VPS13B: variants seen among roughly 807,000 people sequenced by gnomAD.
The protein encoded by VPS13B is vacuolar protein sorting 13 homolog B.
In VPS13B, 285 loss-of-function variants were observed where a neutral mutation model predicts 426.4. The ratio of observed to expected loss-of-function variants is 0.67; its 90% CI spans 0.61 to 0.74. VPS13B has a LOEUF of 0.74. VPS13B is among the 30% of genes least tolerant of loss of function. The probability of loss-of-function intolerance (pLI) is 0.00; values close to 1 mark genes in which losing one functional copy is unlikely to be tolerated. For missense variants in VPS13B, 4,537 were observed against 4,782.6 expected, an observed-to-expected ratio of 0.95 and a Z score of 1.51; for synonymous variants, 1,676 against 1,676.4, an observed-to-expected ratio of 1.00 and a Z score of 0.01.
chr8:99,219,905 T>C (rs1434942584), intron 17 of VPS13B, among the ~76,000 whole-genome samples: 2 of 152,204 alleles, frequency 1.3e-5, no homozygotes, highest in Non-Finnish European at 2.9e-5. Flanking sequence ...TGTTCTTGAA[T>C]ATGCTGTTTT....
At chr8:99,697,327 C>A in intron 35 of VPS13B, 2 of 566,994 alleles carry the variant, frequency 3.5e-6, no homozygotes, top group Non-Finnish European at 6.3e-6. Flanking sequence ...GGTGTGGAAG[C>A]CACCCCTCGA....
At chr8:99,416,006 T>G (rs1248413247) in intron 21 of VPS13B, among the ~76,000 whole-genome samples, 1 of 152,238 alleles carries the variant, frequency 6.6e-6, no homozygotes, top group Non-Finnish European at 1.5e-5. Flanking sequence ...CTGCTGATGC[T>G]GCGCCCACAG....
intron 17 of VPS13B, among the ~76,000 whole-genome samples, chr8:99,230,142 G>T (rs1193472090): frequency 3.3e-5 from 5 of 152,020 alleles, no homozygotes; most frequent in Non-Finnish European, 5.9e-5. Flanking sequence ...TTAATTTTTA[G>T]TTGGGTATAT....
intron 31 of VPS13B, among the ~76,000 whole-genome samples, chr8:99,561,481 G>T (rs1348479439): frequency 6.6e-6 from 1 of 152,140 alleles, no homozygotes; most frequent in Non-Finnish European, 1.5e-5. Context: ...TCAACTTTAT[G>T]ATGATGCAAA....
chr8:99,722,762 C>T (rs1487101638), intron 39 of VPS13B, among the ~76,000 whole-genome samples: 1 of 152,164 alleles, frequency 6.6e-6, no homozygotes, highest in Non-Finnish European at 1.5e-5. Context: ...CTGCCTCGGC[C>T]TCCCAAAGTG....
Position 99,138,036 on chromosome 8 carries a change from C to T in VPS13B, c.1651+1284C>T, listed in dbSNP as rs554599781. Among the ~76,000 whole-genome samples the T allele has an allele frequency of 4.6e-5, 7 of 152,258 alleles. No individual in the cohort carries two copies. The East Asian group carries it at 1.2e-3, about 25-fold the overall frequency. The stretch of plus-strand genomic sequence containing the variant: ...AGTCATCATGACACACCTTTTCCCT[C>T]GCTCCTAGCCATCTGGTCCACAGAT... On this transcript the variant is annotated intron_variant, in intron 12 of 61. Coordinates refer to ENST00000357162, the MANE Select transcript of VPS13B (RefSeq NM_152564.5).
intron 35 of VPS13B, among the ~76,000 whole-genome samples, chr8:99,677,937 C>T (rs1403243471): frequency 6.6e-6 from 1 of 152,150 alleles, no homozygotes; most frequent in African/African-American, 2.4e-5. Flanking sequence ...TCTCCAGCCC[C>T]ATGCCTTTCC....
rs1347127799 is a variant in VPS13B at position 99,147,797 on chromosome 8, A to G, written c.1844-44A>G. On this transcript the variant is annotated intron_variant, in intron 13 of 61. Coordinates refer to ENST00000357162, the MANE Select transcript of VPS13B (RefSeq NM_152564.5). ...CATTTTTCAGTTGTTTAAGAATATT[A>G]TTTAAAAATATTCTTTATTAATTTT... The G allele has an allele frequency of 5.6e-6, 7 of 1,242,866 alleles. No individual in the cohort carries two copies. The Admixed American group carries it at 1.2e-4, about 21-fold the overall frequency. 77.0% of individuals were successfully genotyped at this position (1,242,866 alleles called of 1,614,324 possible).
In VPS13B at chr8:99,819,526, T is replaced by C; in HGVS notation, c.8736T>C (p.Tyr2912=). 1 of 1,613,918 alleles carries C rather than the reference T, an allele frequency of 6.2e-7. No homozygotes were observed. The highest frequency in any genetic ancestry group is 8.5e-7 in the Non-Finnish European group (1 of 1,179,888). ...TTAATCAGATCCTTGACGAATTCTA[T>C]GGGCCAGAAAAGTCGCTTCAACCCA... ...GTVNQILDEF[Y]GPEKSLQPIW... Residue 2912 remains tyrosine (Y), a synonymous_variant, in exon 48 of 62, where the codon TAT becomes TAC. Coordinates refer to ENST00000357162, the MANE Select transcript of VPS13B (RefSeq NM_152564.5).
At chr8:99,761,082 T>C (rs1810905896) in intron 39 of VPS13B, among the ~76,000 whole-genome samples, 1 of 152,246 alleles carries the variant, frequency 6.6e-6, no homozygotes, top group African/African-American at 2.4e-5. Context: ...GTGACTTTTA[T>C]ACATGTATTT....
chr8:99,818,961 G>A, intron 47 of VPS13B, 73 bp downstream of exon 47: 1 of 1,148,104 alleles, frequency 8.7e-7, no homozygotes, highest in Non-Finnish European at 1.3e-6. Flanking sequence ...CCTTGCACTG[G>A]GGGGCGGCGG....
chr8:99,819,696 C>G (rs1335510005), intron 48 of VPS13B, 114 bp downstream of exon 48: 9 of 1,291,532 alleles, frequency 7.0e-6, no homozygotes, highest in Non-Finnish European at 9.7e-6. Context: ...CAGATTCTTA[C>G]CTTTTATCAT....
At chr8:99,430,790 A>G (rs1354928041) in intron 21 of VPS13B, among the ~76,000 whole-genome samples, 1 of 149,134 alleles carries the variant, frequency 6.7e-6, no homozygotes, top group African/African-American at 2.5e-5. Context: ...ATCTCAGCTC[A>G]TTGCAGCAAC....
chr8:99,236,730 C>G (rs1032153738), intron 17 of VPS13B, among the ~76,000 whole-genome samples: 3 of 152,162 alleles, frequency 2.0e-5, no homozygotes, highest in African/African-American at 7.2e-5. Context: ...TACATTCACC[C>G]TATAAAATCA....
chr8:99,459,534 G>T (rs556167500), intron 23 of VPS13B, among the ~76,000 whole-genome samples: 2 of 152,256 alleles, frequency 1.3e-5, no homozygotes, highest in South Asian at 2.1e-4. Context: ...CCCATCTGTG[G>T]TATAACATAT....
intron 29 of VPS13B, among the ~76,000 whole-genome samples, chr8:99,518,440 A>G (rs1822203041): frequency 6.6e-6 from 1 of 152,238 alleles, no homozygotes; most frequent in African/African-American, 2.4e-5. Flanking sequence ...AAAATAGTGC[A>G]GCTGCATGAG....
chr8:99,635,579 C>T lies in VPS13B; in HGVS notation c.5221-6232C>T, dbSNP rs1829035253. Among the ~76,000 whole-genome samples, 6 of 152,014 alleles carry T rather than the reference C, an allele frequency of 3.9e-5. No homozygotes were observed. In the South Asian group the frequency reaches 1.2e-3, roughly 32 times the overall value. On this transcript the variant is annotated intron_variant, in intron 33 of 61. Coordinates refer to ENST00000357162, the MANE Select transcript of VPS13B (RefSeq NM_152564.5). ...AAGCCTGGAATAGATGCTGAATTTC[C>T]TTTTCTTGTCAGCCATCAAAACAAA...
chr8:99,018,426 G>A (rs1243140146), intron 2 of VPS13B, among the ~76,000 whole-genome samples: 1 of 152,068 alleles, frequency 6.6e-6, no homozygotes, highest in Admixed American at 6.5e-5. Flanking sequence ...TAAATAATTT[G>A]TTACCAGTAC....
At chr8:99,020,588 T>C (rs910241350) in intron 2 of VPS13B, among the ~76,000 whole-genome samples, 3 of 152,222 alleles carry the variant, frequency 2.0e-5, no homozygotes, top group African/African-American at 7.2e-5. Context: ...TTTTCTCCTA[T>C]GTTTTCTTCT....
Sources: gnomAD v4.1 joint callset for allele counts (sites outside exome capture counted in the v4.1 genomes callset) on GRCh38, gnomAD v4.1.1 for gene constraint, MANE v1.5 for transcripts, NCBI Gene and HGNC (gene_info 2026-07-23, HGNC 2026-07-21) for gene names.